SPIDR: variants seen among roughly 807,000 people sequenced by gnomAD.
SPIDR encodes DNA repair-scaffolding protein.
Under a neutral mutation model 104.6 loss-of-function variants are expected in SPIDR, and 93 were observed. That is an observed-to-expected ratio of 0.89 (90% CI 0.75 to 1.06). The LOEUF (loss-of-function observed/expected upper bound fraction) is 1.06. Among genes scored for constraint, SPIDR ranks in the 50% least tolerant of loss-of-function variants. SPIDR has a pLI of 0.00. For missense variants in SPIDR, 1,154 were observed against 1,111.2 expected (o/e 1.04, Z -0.55); for synonymous variants, 431 against 416.9 (o/e 1.03, Z -0.41).
chr8:47,447,450 G>C (rs1282600331), intron 8 of SPIDR, among the ~76,000 whole-genome samples: 17 of 152,156 alleles, frequency 1.1e-4, no homozygotes, highest in Non-Finnish European at 2.2e-4. Context: ...CTGACCTCAG[G>C]TAATCCGCCT....
chr8:47,290,918 C>T (rs2039801223), intron 3 of SPIDR, 115 bp from the exon 4 acceptor site: 2 of 628,556 alleles, frequency 3.2e-6, no homozygotes, highest in South Asian at 2.9e-5. Context: ...ATTGCTTTTC[C>T]TATCACAGAG....
chr8:47,402,098 A>G (rs982618286), intron 6 of SPIDR, among the ~76,000 whole-genome samples: 1 of 152,228 alleles, frequency 6.6e-6, no homozygotes, highest in Admixed American at 6.5e-5. Flanking sequence ...AGCATTCCTC[A>G]GCAAATGTAA....
intron 10 of SPIDR, among the ~76,000 whole-genome samples, chr8:47,606,443 G>T (rs28439682): frequency 1.2e-4 from 18 of 151,860 alleles, no homozygotes; most frequent in African/African-American, 9.7e-5. Context: ...GGAGAATGGC[G>T]TGAACCCAGG....
chr8:47,625,910 A>C (rs1314416329), intron 10 of SPIDR, among the ~76,000 whole-genome samples: 1 of 152,208 alleles, frequency 6.6e-6, no homozygotes, highest in East Asian at 1.9e-4. Flanking sequence ...ATGGAACCAA[A>C]AAAGAGCCCG....
chr8:47,502,558 A>G (rs183474106), intron 8 of SPIDR, among the ~76,000 whole-genome samples: 15 of 152,096 alleles, frequency 9.9e-5, no homozygotes, highest in East Asian at 3.9e-4. Flanking sequence ...CTAGCAGTCT[A>G]TGAATTTTGT....
rs1041071982 is a variant in SPIDR, at chr8:47,302,495, T to C, written c.525+8465T>C. 7.8e-3 allele frequency among the ~76,000 whole-genome samples: 1,185 copies of C among 152,306 alleles called. 13 individuals carry two copies. Among genetic ancestry groups the C allele is most frequent in the African/African-American group, 0.027 (1,136 of 41,572 alleles). ...TTGTTCCGTTGCTGGTGAGGAGCTG[T>C]GTTCCTTTGGAGGAGGAGAGGCACT... On this transcript the variant is annotated intron_variant, in intron 5 of 19. Transcript: ENST00000297423.
chr8:47,650,596 G>GA (rs1318605042), intron 10 of SPIDR, among the ~76,000 whole-genome samples: 1 of 152,062 alleles, frequency 6.6e-6, no homozygotes, highest in Non-Finnish European at 1.5e-5. Context: ...CACAGAATTA[G>GA]AAAAAACAGT....
intron 8 of SPIDR, among the ~76,000 whole-genome samples, chr8:47,517,054 G>A (rs537962579): frequency 1.1e-4 from 16 of 152,034 alleles, no homozygotes; most frequent in African/African-American, 2.7e-4. Context: ...GCACGATCTC[G>A]GCTCACTGCA....
Position 47,662,821 on chromosome 8 carries a change from A to G in SPIDR, c.1545-10980A>G, listed in dbSNP as rs562650467. Among the ~76,000 whole-genome samples, 420 of 152,328 alleles carry G rather than the reference A, an allele frequency of 2.8e-3. 1 individual carries two copies. The highest frequency in any genetic ancestry group is 9.9e-3 in the African/African-American group (410 of 41,566). ...TGGGGCCTTTGGGATTAACATCCTT[A>G]TAAAAGAGGCCCAAGAGAGTCATTG... is the stretch of plus-strand genomic sequence containing the variant. On this transcript the variant is annotated intron_variant, in intron 10 of 19. Transcript: ENST00000297423.
intron 8 of SPIDR, among the ~76,000 whole-genome samples, chr8:47,590,807 C>T (rs2060916199): frequency 6.6e-6 from 1 of 152,104 alleles, no homozygotes; most frequent in Admixed American, 6.6e-5. Context: ...GTTTTTGCTT[C>T]ATGTATTTTG....
chr8:47,700,371 A>T, intron 11 of SPIDR, 32 bp from the exon 12 acceptor site: 6 of 1,611,224 alleles, frequency 3.7e-6, no homozygotes, highest in Non-Finnish European at 5.1e-6. Flanking sequence ...GGGATGTCTG[A>T]TGATGAATAC....
intron 10 of SPIDR, chr8:47,653,866 A>C: frequency 3.1e-6 from 2 of 650,360 alleles, no homozygotes; most frequent in Non-Finnish European, 3.8e-6. Context: ...AGACAAAAAA[A>C]AAACAAACCA....
chr8:47,660,607 G>T (rs967225945), intron 10 of SPIDR: 15 of 689,366 alleles, frequency 2.2e-5, no homozygotes, highest in Admixed American at 6.3e-5. Flanking sequence ...GTGGCTAGGG[G>T]CAGGGACCCG....
At chr8:47,317,103 G>T (rs1214964210) in intron 5 of SPIDR, among the ~76,000 whole-genome samples, 1 of 152,102 alleles carries the variant, frequency 6.6e-6, no homozygotes, top group Non-Finnish European at 1.5e-5. Context: ...CGGAAAGTTG[G>T]TGCAGGACAG....
At chr8:47,580,484 A>G (rs1420806955) in intron 8 of SPIDR, among the ~76,000 whole-genome samples, 1 of 152,178 alleles carries the variant, frequency 6.6e-6, no homozygotes, top group African/African-American at 2.4e-5. Flanking sequence ...AAACCGAGTC[A>G]CAAAGACATT....
chr8:47,539,343 C>T (rs946531504), intron 8 of SPIDR, among the ~76,000 whole-genome samples: 5 of 152,128 alleles, frequency 3.3e-5, no homozygotes, highest in Admixed American at 2.6e-4. Flanking sequence ...TTAAAAGGCA[C>T]AGAAGAGACG....
At chr8:47,657,111 T>C (rs1284703072) in intron 10 of SPIDR, among the ~76,000 whole-genome samples, 1 of 152,242 alleles carries the variant, frequency 6.6e-6, no homozygotes, top group East Asian at 1.9e-4. Flanking sequence ...GTGAATGTAC[T>C]TAATGCCACT....
At chr8:47,399,194 T>G (rs2061569464) in intron 6 of SPIDR, among the ~76,000 whole-genome samples, 1 of 152,194 alleles carries the variant, frequency 6.6e-6, no homozygotes, top group East Asian at 1.9e-4. Flanking sequence ...AACAGGAAAC[T>G]GCTGAGGCAG....
chr8:47,290,704 C>T (rs1208360500), intron 3 of SPIDR, among the ~76,000 whole-genome samples: 1 of 152,160 alleles, frequency 6.6e-6, no homozygotes, highest in Non-Finnish European at 1.5e-5. Flanking sequence ...TTTTTGTTTT[C>T]ATCAAATACC....
Sources: allele counts gnomAD v4.1 joint callset (sites outside exome capture counted in the v4.1 genomes callset), GRCh38; gene constraint gnomAD v4.1.1; transcripts MANE v1.5; gene names NCBI Gene and HGNC (gene_info 2026-07-23, HGNC 2026-07-21).